The following SLC12A7 variants were observed in gnomAD, a reference collection of about 807,000 sequenced individuals.
SLC12A7 encodes the protein K-Cl cotransporter 4.
A neutral mutation model predicts 120.6 loss-of-function variants in SLC12A7; 100 were observed. The observed-to-expected ratio is 0.83, with a 90% CI of 0.71 to 0.98. The LOEUF (loss-of-function observed/expected upper bound fraction) is 0.98, where lower values mean the gene tolerates loss of function less well. Among genes scored for constraint, SLC12A7 ranks in the 50% least tolerant of loss-of-function variants. The pLI, the probability that SLC12A7 is intolerant of heterozygous loss-of-function variation, is 0.00. For missense variants in SLC12A7, 1,373 were observed against 1,548.1 expected, an observed-to-expected ratio of 0.89 and a Z score of 1.90; for synonymous variants, 760 against 678.0, an observed-to-expected ratio of 1.12 and a Z score of -1.88.
At chr5:1,115,904 C>A (rs1041448660), upstream of SLC12A7, among the ~76,000 whole-genome samples, 12 of 138,106 alleles carry the variant, frequency 8.7e-5, no homozygotes, top group Non-Finnish European at 1.3e-4. Context: ...GCCCCAGTTA[C>A]CCAAGGCTAA....
rs1168316128 is a variant in SLC12A7, at chr5:1,052,257, G to C, written c.*103C>G. 1 of 980,494 alleles carries C rather than the reference G, an allele frequency of 1.0e-6. No individual in the cohort carries two copies. The highest frequency in any genetic ancestry group is 1.6e-6 in the Non-Finnish European group (1 of 612,852). 60.7% of individuals were successfully genotyped at this position (980,494 alleles called of 1,614,324 possible). A position where few individuals can be genotyped will look rare whatever the true frequency, so the allele number is the denominator to read the frequency against. On this transcript the variant is annotated 3_prime_UTR_variant, in exon 24 of 24. Coordinates refer to ENST00000264930, the MANE Select transcript of SLC12A7 (RefSeq NM_006598.3). Reference sequence around the variant, plus strand: ...TGGGCAGCTTGGGCGGCATCACTGGGGGACAGGTGTGTCTGCCGTCTGTTT... The same window carrying C: ...TGGGCAGCTTGGGCGGCATCACTGGCGGACAGGTGTGTCTGCCGTCTGTTT...
intron 17 of SLC12A7, among the ~76,000 whole-genome samples, chr5:1,067,142 C>G (rs144603350): frequency 6.6e-6 from 1 of 152,214 alleles, no homozygotes; most frequent in African/African-American, 2.4e-5. Flanking sequence ...CCAGACACCT[C>G]CACCTTCTGC....
At chr5:1,115,654 G>A (rs566254712), upstream of SLC12A7, among the ~76,000 whole-genome samples, 2 of 152,292 alleles carry the variant, frequency 1.3e-5, no homozygotes, top group Admixed American at 6.5e-5. Flanking sequence ...CCGTGTCCAG[G>A]GAAGGGGACA....
At chr5:1,108,244 A>AGGAGAGCCTCTTGCCGGG (rs1246606402) in intron 1 of SLC12A7, among the ~76,000 whole-genome samples, 3 of 152,280 alleles carry the variant, frequency 2.0e-5, no homozygotes, top group African/African-American at 7.2e-5. Context: ...ATGCCTGCTA[A>AGGAGAGCCTCTTGCCGGG]GGAGAGCCTC....
At chr5:1,089,868 G>A (rs1219909180) in intron 3 of SLC12A7, among the ~76,000 whole-genome samples, 1 of 151,432 alleles carries the variant, frequency 6.6e-6, no homozygotes, top group African/African-American at 2.5e-5. Flanking sequence ...GGCCAGGCTG[G>A]GGTAGAAGTT....
At chr5:1,143,307 C>T in the SLC12A7 span, among the ~76,000 whole-genome samples, 5 of 152,352 alleles carry the variant, frequency 3.3e-5, no homozygotes, top group East Asian at 9.7e-4. Flanking sequence ...GCGGGGGCTT[C>T]AACACTAGAA....
the SLC12A7 span, among the ~76,000 whole-genome samples, chr5:1,125,923 CAAA>C: frequency 5.2e-4 from 52 of 100,582 alleles, no homozygotes; most frequent in East Asian, 6.1e-4. Flanking sequence ...GGCCCTGCCT[CAAA>C]AAAAAAAAAA....
Position 1,073,655 on chromosome 5 carries a change from A to G in SLC12A7, c.2219T>C (p.Met740Thr). Residue 740 changes from methionine (M) to threonine (T), a missense_variant, in exon 17 of 24, where the codon ATG becomes ACG. Transcript: ENST00000264930. ...VLEGTYLDKH[M>T]EAQRAEENIR... ...CACCTCCTCGGCCCGCTGAGCCTCC[A>G]TGTGCTTGTCCAGGTACGTCCCCTC... is the stretch of plus-strand genomic sequence containing the variant. 1.2e-6 allele frequency: 2 copies of G among 1,604,314 alleles called. No homozygotes were observed. Among genetic ancestry groups the G allele is most frequent in the Non-Finnish European group, 1.7e-6 (2 of 1,176,122 alleles).
At position 1,112,008 on chromosome 5, in the gene SLC12A7, C is replaced by A. The variant is rs753388590; in HGVS notation, c.-17G>T. ...GGTGGGCATGGCCGCCTGCAGCCGA[C>A]AGTCCCCGTCCCGGCCCGGCCCGCG... On this transcript the variant is annotated 5_prime_UTR_variant, in exon 1 of 24. Coordinates refer to ENST00000264930, the MANE Select transcript of SLC12A7 (RefSeq NM_006598.3). The A allele has an allele frequency of 7.9e-7, 1 of 1,264,432 alleles. No homozygotes were observed. Among genetic ancestry groups the A allele is most frequent in the African/African-American group, 1.5e-5 (1 of 65,218 alleles). 78.3% of individuals were successfully genotyped at this position (1,264,432 alleles called of 1,614,324 possible).
At chr5:1,138,030 C>G in the SLC12A7 span, among the ~76,000 whole-genome samples, 1 of 152,206 alleles carries the variant, frequency 6.6e-6, no homozygotes, top group South Asian at 2.1e-4. Context: ...CCCTCCTCTT[C>G]TCAGAAGTGG....
Position 1,069,975 on chromosome 5 carries a change from C to T in SLC12A7, c.2241+3658G>A, listed in dbSNP as rs548776682. ...GAGTGGGCAGAAATTCAGCAGCACA[C>T]GGCATCACACTTAACGCAGCCCCCA... On this transcript the variant is annotated intron_variant, in intron 17 of 23. Transcript: ENST00000264930. Among the ~76,000 whole-genome samples, 151 of 139,330 alleles carry T rather than the reference C, an allele frequency of 1.1e-3. 2 individuals carry two copies. The highest frequency in any genetic ancestry group is 4.1e-3 in the African/African-American group (137 of 33,806). The allele number at this position is 139,330 out of a possible 152,430, so 91.4% of individuals were successfully genotyped here.
intron 17 of SLC12A7, among the ~76,000 whole-genome samples, chr5:1,066,470 A>G (rs1248665633): frequency 1.3e-5 from 2 of 152,214 alleles, no homozygotes; most frequent in African/African-American, 2.4e-5. Context: ...CATACTGTAC[A>G]TGTGTGGCAG....
chr5:1,136,091 A>G, the SLC12A7 span, among the ~76,000 whole-genome samples: 1 of 152,106 alleles, frequency 6.6e-6, no homozygotes, highest in Admixed American at 6.5e-5. Flanking sequence ...TGCTGATGAG[A>G]AGGTTCAGAG....
chr5:1,133,287 G>C, the SLC12A7 span, among the ~76,000 whole-genome samples: 1 of 152,202 alleles, frequency 6.6e-6, no homozygotes, highest in Non-Finnish European at 1.5e-5. Context: ...GCTAATGGCT[G>C]GGAGTCGCAC....
At chr5:1,064,275 G>A (rs369427526) in intron 18 of SLC12A7, 23 bp from the exon 19 acceptor site, 55 of 1,597,484 alleles carry the variant, frequency 3.4e-5, no homozygotes, top group East Asian at 9.0e-5. Flanking sequence ...GCGGCCGTCC[G>A]CAGGTCATCT....
chr5:1,113,401 C>T (rs575097482), upstream of SLC12A7, among the ~76,000 whole-genome samples: 1 of 152,338 alleles, frequency 6.6e-6, no homozygotes, highest in African/African-American at 2.4e-5. Flanking sequence ...CCAACCTCTC[C>T]AGCCATTTCC....
Position 1,051,505 on chromosome 5 carries a change from T to C in SLC12A7, c.*855A>G, listed in dbSNP as rs1287698382. The C allele has an allele frequency of 6.6e-6, 1 of 152,426 alleles. No homozygotes were observed. Among genetic ancestry groups the C allele is most frequent in the Non-Finnish European group, 1.5e-5 (1 of 68,162 alleles). 9.4% of individuals were successfully genotyped at this position (152,426 alleles called of 1,614,324 possible). A position where few individuals can be genotyped will look rare whatever the true frequency, so the allele number is the denominator to read the frequency against. ...TGCATTTGCCTGCGTGAGGCACTGA[T>C]CGCACCTGTGGCTGTGGGCTGGGCC... On this transcript the variant is annotated 3_prime_UTR_variant, in exon 24 of 24. Coordinates refer to ENST00000264930, the MANE Select transcript of SLC12A7 (RefSeq NM_006598.3).
chr5:1,138,363 C>T, the SLC12A7 span, among the ~76,000 whole-genome samples: 1 of 152,210 alleles, frequency 6.6e-6, no homozygotes, highest in Admixed American at 6.5e-5. Context: ...TTACAGAGTG[C>T]TGATTGCTCC....
chr5:1,075,518 G>A (rs200340722), intron 14 of SLC12A7, 28 bp from the exon 15 acceptor site: 78 of 1,595,520 alleles, frequency 4.9e-5, no homozygotes, highest in Middle Eastern at 3.3e-4. Context: ...GGCTCGGGGC[G>A]GCCCAACGCC....
Sources: gnomAD v4.1 joint callset for allele counts (sites outside exome capture counted in the v4.1 genomes callset) on GRCh38, gnomAD v4.1.1 for gene constraint, MANE v1.5 for transcripts, NCBI Gene and HGNC (gene_info 2026-07-23, HGNC 2026-07-21) for gene names.